The following CDH13 variants were observed in gnomAD, a reference collection of about 807,000 sequenced individuals.
The protein encoded by CDH13 is cadherin-13.
CDH13 carries 24 observed loss-of-function variants against 63.8 expected under a neutral mutation model. That is an observed-to-expected ratio of 0.38 (90% CI 0.27 to 0.53). The LOEUF (loss-of-function observed/expected upper bound fraction) is 0.53, where lower values mean the gene tolerates loss of function less well. CDH13 is among the 20% of genes least tolerant of loss of function. The probability of loss-of-function intolerance (pLI) is 0.85; values close to 1 mark genes in which losing one functional copy is unlikely to be tolerated. For synonymous variants in CDH13, 503 were observed against 355.3 expected (o/e 1.42, Z -4.67); for missense variants, 1,049 against 903.1 (o/e 1.16, Z -2.07).
intron 8 of CDH13, among the ~76,000 whole-genome samples, chr16:83,633,862 T>C (rs1911001138): frequency 6.6e-6 from 1 of 152,146 alleles, no homozygotes; most frequent in South Asian, 2.1e-4. Flanking sequence ...AAATAGGCCA[T>C]GTGATCCCAG....
intron 9 of CDH13, among the ~76,000 whole-genome samples, chr16:83,676,718 T>C (rs796274003): frequency 2.0e-5 from 3 of 152,298 alleles, no homozygotes; most frequent in African/African-American, 7.2e-5. Flanking sequence ...AGAGAGGAAG[T>C]CCAGTTACAA....
At chr16:83,164,589 G>T (rs189669645) in intron 4 of CDH13, among the ~76,000 whole-genome samples, 60 of 151,952 alleles carry the variant, frequency 3.9e-4, no homozygotes, top group African/African-American at 1.4e-3. Flanking sequence ...GGCATGGTGG[G>T]GGCGCCTGCA....
At chr16:82,779,789 G>A (rs1240014627) in intron 1 of CDH13, among the ~76,000 whole-genome samples, 1 of 152,176 alleles carries the variant, frequency 6.6e-6, no homozygotes, top group Non-Finnish European at 1.5e-5. Context: ...GCAGGTAGTG[G>A]TAGAAAGATT....
intron 5 of CDH13, among the ~76,000 whole-genome samples, chr16:83,222,992 A>G (rs912418003): frequency 6.6e-6 from 1 of 151,244 alleles, no homozygotes; most frequent in East Asian, 2.0e-4. Context: ...CAGTACCACC[A>G]CCCCCCACCC....
At chr16:83,298,049 A>C (rs2089644140) in intron 5 of CDH13, among the ~76,000 whole-genome samples, 1 of 50,366 alleles carries the variant, frequency 2.0e-5, no homozygotes, top group African/African-American at 8.2e-5. Flanking sequence ...TGTTTCTACA[A>C]AAAAAAAAAA....
intron 1 of CDH13, among the ~76,000 whole-genome samples, chr16:82,694,055 ATATACT>A (rs1239835307): frequency 2.0e-5 from 3 of 152,260 alleles, no homozygotes; most frequent in African/African-American, 4.8e-5. Context: ...AAAATAAAAC[ATATACT>A]TAAACACTAT....
intron 5 of CDH13, among the ~76,000 whole-genome samples, chr16:83,249,224 C>T (rs1032711517): frequency 2.6e-5 from 4 of 152,298 alleles, no homozygotes; most frequent in South Asian, 2.1e-4. Context: ...GAGAGAACAT[C>T]GTACCCTCTA....
intron 2 of CDH13, among the ~76,000 whole-genome samples, chr16:82,936,717 C>T (rs182997803): frequency 2.4e-4 from 36 of 152,268 alleles, no homozygotes; most frequent in Middle Eastern, 3.4e-3. Context: ...TGCCAATGAC[C>T]AAGGCATATG....
chr16:82,686,094 C>G (rs112340250), intron 1 of CDH13, among the ~76,000 whole-genome samples: 4 of 152,286 alleles, frequency 2.6e-5, no homozygotes, highest in African/African-American at 9.6e-5. Context: ...CACTTCCACA[C>G]CCTTCTCAGA....
intron 2 of CDH13, among the ~76,000 whole-genome samples, chr16:82,890,933 TG>T (rs1200548891): frequency 6.6e-6 from 1 of 151,976 alleles, no homozygotes; most frequent in African/African-American, 2.4e-5. Flanking sequence ...ATTACAGGCG[TG>T]AGCCACTGTG....
chr16:83,572,159 T>A (rs2150707600), intron 7 of CDH13, among the ~76,000 whole-genome samples: 1 of 144,018 alleles, frequency 6.9e-6, no homozygotes, highest in African/African-American at 2.6e-5. Context: ...AGGTATTTTT[T>A]ATTCCACTTT....
In CDH13 at chr16:83,334,278, C is replaced by T. The variant is rs376273343; in HGVS notation, c.637-10584C>T. On this transcript the variant is annotated intron_variant, in intron 5 of 13. Transcript: ENST00000567109. ...TCTCTCTCTGTTTCTCTCTTTCTTCCTCCTTTCTCTCTCTCTCCCTCTCTC... is the reference window on the plus strand; with the variant it reads ...TCTCTCTCTGTTTCTCTCTTTCTTCTTCCTTTCTCTCTCTCTCCCTCTCTC... 2.0e-4 allele frequency among the ~76,000 whole-genome samples: 30 copies of T among 151,446 alleles called. No homozygotes were observed. The South Asian group carries it at 5.4e-3, about 27-fold the overall frequency.
At position 82,743,330 on chromosome 16, in the gene CDH13, C is replaced by T. The variant is rs572086371; in HGVS notation, c.46-115032C>T. ...CAGCCTCAGACTTCCCGGGCTTAGG[C>T]GATCCTCCCACCTCAGCCTTTTAGG... On this transcript the variant is annotated intron_variant, in intron 1 of 13. Coordinates refer to ENST00000567109, the MANE Select transcript of CDH13 (RefSeq NM_001257.5). 2.4e-4 allele frequency among the ~76,000 whole-genome samples: 36 copies of T among 152,236 alleles called. No homozygotes were observed. In the South Asian group the frequency reaches 7.0e-3, roughly 30 times the overall value.
chr16:83,005,079 C>A (rs537504528), intron 2 of CDH13, among the ~76,000 whole-genome samples: 88 of 152,274 alleles, frequency 5.8e-4, no homozygotes, highest in African/African-American at 2.1e-3. Flanking sequence ...CTATGGCCCG[C>A]TGCAATGGAG....
chr16:83,536,872 G>A (rs144254248), intron 7 of CDH13, among the ~76,000 whole-genome samples: 1 of 152,300 alleles, frequency 6.6e-6, no homozygotes, highest in African/African-American at 2.4e-5. Flanking sequence ...GGGTCAGGTG[G>A]CCAGGATAAC....
At chr16:83,030,555 A>G (rs1916208741) in intron 2 of CDH13, among the ~76,000 whole-genome samples, 2 of 150,008 alleles carry the variant, frequency 1.3e-5, no homozygotes, top group South Asian at 4.3e-4. Flanking sequence ...AGACAGGAGA[A>G]TCACTGGAAC....
intron 4 of CDH13, among the ~76,000 whole-genome samples, chr16:83,152,730 C>G (rs13331033): frequency 1.3e-5 from 2 of 152,150 alleles, no homozygotes; most frequent in Non-Finnish European, 2.9e-5. Flanking sequence ...TCCCCCAAAA[C>G]CCATGTGTTG....
chr16:83,015,664 T>TGC (rs1360051574), intron 2 of CDH13, among the ~76,000 whole-genome samples: 4 of 91,622 alleles, frequency 4.4e-5, no homozygotes, highest in African/African-American at 1.5e-4. Flanking sequence ...TATATGTGTG[T>TGC]GTGTGTGTGT....
chr16:82,639,612 C>T, intron 1 of CDH13: 4 of 618,544 alleles, frequency 6.5e-6, no homozygotes, highest in Non-Finnish European at 1.2e-5. Flanking sequence ...AATATACAGT[C>T]TGTAGCTATA....
Sources: allele counts gnomAD v4.1 joint callset (sites outside exome capture counted in the v4.1 genomes callset), GRCh38; gene constraint gnomAD v4.1.1; transcripts MANE v1.5; gene names NCBI Gene and HGNC (gene_info 2026-07-23, HGNC 2026-07-21).